FAT4: variants seen among roughly 807,000 people sequenced by gnomAD.
The protein encoded by FAT4 is protocadherin Fat 4.
A neutral mutation model predicts 303.9 loss-of-function variants in FAT4; 84 were observed. That is an observed-to-expected ratio of 0.28 (90% confidence interval 0.23 to 0.33). FAT4 has a LOEUF of 0.33. FAT4 is among the 10% of genes least tolerant of loss of function. FAT4 has a pLI of 1.00. For synonymous variants in FAT4, 2,307 were observed against 2,298.8 expected (o/e 1.00, Z -0.10); for missense variants, 6,005 against 6,146.8 (o/e 0.98, Z 0.77).
At chr4:125,371,972 C>T (rs1010854760) in intron 2 of FAT4, among the ~76,000 whole-genome samples, 1 of 152,024 alleles carries the variant, frequency 6.6e-6, no homozygotes, top group African/African-American at 2.4e-5. Context: ...AGGACAGAAC[C>T]TGGCACTTGA....
intron 2 of FAT4, among the ~76,000 whole-genome samples, chr4:125,336,987 A>T (rs943884088): frequency 1.3e-5 from 2 of 151,976 alleles, no homozygotes; most frequent in Non-Finnish European, 2.9e-5. Context: ...CATTTTGTAG[A>T]TGGAGTATCA....
rs1240468960 is a variant in FAT4, at chr4:125,377,780, A to AGGACATT, written c.5176-21003_5176-20997dup. 2.6e-5 allele frequency among the ~76,000 whole-genome samples: 4 copies of AGGACATT among 152,082 alleles called. No homozygotes were observed. In the East Asian group the frequency reaches 7.7e-4, roughly 29 times the overall value. ...AACTCTCACAAACCAAAACAAAATT[A>AGGACATT]GGACATTTTGATTGATTTTAATATT... On this transcript the variant is annotated intron_variant, in intron 2 of 17. Transcript: ENST00000394329.
At chr4:125,479,565 CTA>C (rs1727149998) in intron 14 of FAT4, among the ~76,000 whole-genome samples, 174 bp from the exon 15 acceptor site, 2 of 152,138 alleles carry the variant, frequency 1.3e-5, no homozygotes, top group Admixed American at 1.3e-4. Flanking sequence ...GTGAGGCAGA[CTA>C]TGTTTTCTAG....
chr4:125,362,982 T>C (rs570627225), intron 2 of FAT4: 1 of 152,192 alleles, frequency 6.6e-6, no homozygotes, highest in Non-Finnish European at 1.5e-5. Context: ...TTTCCTAGCT[T>C]GGCATTAGTT....
intron 2 of FAT4, among the ~76,000 whole-genome samples, chr4:125,335,475 T>G (rs546355179): frequency 9.2e-5 from 14 of 152,156 alleles, no homozygotes; most frequent in Non-Finnish European, 1.6e-4. Context: ...AGCTTGCCTC[T>G]GTCTTACACC....
chr4:125,389,374 A>T (rs542782322), intron 2 of FAT4, among the ~76,000 whole-genome samples: 5 of 152,284 alleles, frequency 3.3e-5, no homozygotes, highest in Non-Finnish European at 1.5e-5. Flanking sequence ...CTGTGAAATA[A>T]CGTAATAAAA....
chr4:125,317,428 G>A lies in FAT4; in HGVS notation c.1017G>A (p.Ala339=), dbSNP rs370554535. 8 of 1,613,606 alleles carry A rather than the reference G, an allele frequency of 5.0e-6. No individual in the cohort carries two copies. Among genetic ancestry groups the A allele is most frequent in the Non-Finnish European group, 5.9e-6 (7 of 1,180,044 alleles). The change falls in exon 2 of 18, where the codon GCG becomes GCA. Residue 339 remains alanine, a synonymous_variant. Transcript: ENST00000394329. The surrounding 1 kb of genome is among the most constrained non-coding windows in gnomAD (Gnocchi z 7.0). ...CTTCCCTCACTGGGCGCGCCGAGGC[G>A]CTGATTCAGCTGCTGGACGTGAATG... ...GVPSLTGRAE[A]LIQLLDVNDN... is the part of the protein sequence containing the mutation.
chr4:125,340,520 G>A (rs1468286889), intron 2 of FAT4, among the ~76,000 whole-genome samples: 3 of 152,150 alleles, frequency 2.0e-5, no homozygotes, highest in Non-Finnish European at 4.4e-5. Context: ...TGGAGAAGCT[G>A]GGACTACAGG....
At chr4:125,439,226 C>G (rs1725561481) in intron 8 of FAT4, among the ~76,000 whole-genome samples, 1 of 152,126 alleles carries the variant, frequency 6.6e-6, no homozygotes, top group African/African-American at 2.4e-5. Flanking sequence ...TTTCTCCCAA[C>G]TGGACCAAAT....
At chr4:125,352,214 C>T (rs1198570138) in intron 2 of FAT4, among the ~76,000 whole-genome samples, 3 of 151,410 alleles carry the variant, frequency 2.0e-5, no homozygotes, top group Admixed American at 6.6e-5. Flanking sequence ...TAAGTAATTA[C>T]GTTAGTGGTA....
chr4:125,362,703 T>C (rs1288062346), intron 2 of FAT4: 1 of 152,172 alleles, frequency 6.6e-6, no homozygotes, highest in African/African-American at 2.4e-5. Context: ...CTTCTTTGAA[T>C]AGAGAACTTT....
chr4:125,487,646 A>T (rs1293402040), intron 17 of FAT4, 40 bp downstream of exon 17: 1 of 1,524,124 alleles, frequency 6.6e-7, no homozygotes, highest in African/African-American at 1.4e-5. Context: ...GGGAAGTAAA[A>T]TTGTTCTTCA....
chr4:125,317,099 C>A lies in FAT4; in HGVS notation c.688C>A (p.Arg230=), dbSNP rs1272746488. 1.2e-6 allele frequency: 2 copies of A among 1,613,906 alleles called. No homozygotes were observed. Among genetic ancestry groups the A allele is most frequent in the Admixed American group, 1.7e-5 (1 of 60,032 alleles). The stretch of plus-strand genomic sequence containing the variant: ...GGTGGAGGACAAGGGTGAGCCTAAG[C>A]GGCGGGGCTACCTTCAGGTAAACGT... The part of the protein sequence containing the change: ...VEVEDKGEPK[R]RGYLQVNVTV... The change falls in exon 2 of 18, where the codon CGG becomes AGG. Residue 230 remains arginine (R), a synonymous_variant. Transcript: ENST00000394329. This position sits in a 1 kb window ranked among gnomAD's most constrained non-coding sequence, Gnocchi z 7.0.
intron 2 of FAT4, among the ~76,000 whole-genome samples, chr4:125,331,323 TG>T (rs1731375093): frequency 6.6e-6 from 1 of 152,220 alleles, no homozygotes; most frequent in African/African-American, 2.4e-5. Flanking sequence ...GCAAATATGC[TG>T]CTTAAGCTTC....
chr4:125,434,247 T>C lies in FAT4; in HGVS notation c.7021T>C (p.Ser2341Pro), dbSNP rs1725372203. The C allele has an allele frequency of 3.7e-6, 6 of 1,604,704 alleles. No individual in the cohort carries two copies. Among genetic ancestry groups the C allele is most frequent in the Non-Finnish European group, 5.1e-6 (6 of 1,175,828 alleles). Residue 2341 changes from serine to proline, a missense_variant and splice_region_variant, in exon 8 of 18, where the codon TCC becomes CCC. By Grantham distance (74) the Ser-to-Pro change is moderately conservative. Transcript: ENST00000394329. ...VLMITATDSG[S>P]PALTGTGTIN... ...ACTTGATTTTCTTTTCTTTTTAGGA[T>C]CCCCTGCCTTGACTGGAACTGGAAC...
chr4:125,372,948 A>T (rs1029604962), intron 2 of FAT4, among the ~76,000 whole-genome samples: 1 of 152,202 alleles, frequency 6.6e-6, no homozygotes, highest in Non-Finnish European at 1.5e-5. Flanking sequence ...ATGTAGTTTA[A>T]TGTTTTTAAA....
intron 8 of FAT4, among the ~76,000 whole-genome samples, chr4:125,437,266 G>C (rs1375289137): frequency 6.6e-6 from 1 of 152,126 alleles, no homozygotes; most frequent in Non-Finnish European, 1.5e-5. Context: ...CAGTCACTGG[G>C]AATTCTCCAA....
intron 2 of FAT4, among the ~76,000 whole-genome samples, chr4:125,333,357 T>A (rs965941550): frequency 2.6e-5 from 4 of 152,174 alleles, no homozygotes; most frequent in African/African-American, 9.7e-5. Flanking sequence ...AGTGATGATT[T>A]TCTTAATGGC....
In FAT4 at chr4:125,449,978, T is replaced by G; in HGVS notation, c.8968T>G (p.Tyr2990Asp). 2 of 1,613,782 alleles carry G rather than the reference T, an allele frequency of 1.2e-6. No homozygotes were observed. Among genetic ancestry groups the G allele is most frequent in the Non-Finnish European group, 1.7e-6 (2 of 1,179,894 alleles). The change falls in exon 10 of 18, where the codon TAT (tyrosine) becomes GAT (aspartate). Residue 2990 changes from tyrosine to aspartate, a missense_variant. Tyr to Asp is a radical substitution (Grantham distance 160). Coordinates refer to ENST00000394329, the MANE Select transcript of FAT4 (RefSeq NM_001291303.3). Reference protein sequence around the residue: ...DNAPQFLKSKYFTPVTKNVKV... With the variant: ...DNAPQFLKSKDFTPVTKNVKV... Reference sequence around the variant, plus strand: ...TGCACCTCAATTTCTTAAAAGTAAATATTTCACTCCAGTCACCAAAAATGT... The same window carrying G: ...TGCACCTCAATTTCTTAAAAGTAAAGATTTCACTCCAGTCACCAAAAATGT...
Sources: allele counts gnomAD v4.1 joint callset (sites outside exome capture counted in the v4.1 genomes callset), GRCh38; gene constraint gnomAD v4.1.1; non-coding constraint Gnocchi (gnomAD v3.1); transcripts MANE v1.5; gene names NCBI Gene and HGNC (gene_info 2026-07-23, HGNC 2026-07-21).